Variants in HECTD4 observed in about 807,000 individuals in gnomAD.
HECTD4 encodes HECT domain E3 ubiquitin protein ligase 4.
In HECTD4, 114 loss-of-function variants were observed where a neutral mutation model predicts 471.5. The observed-to-expected ratio is 0.24, with a 90% CI of 0.21 to 0.28. The LOEUF is 0.28. Among genes scored for constraint, HECTD4 ranks in the 10% least tolerant of loss-of-function variants. The probability of loss-of-function intolerance (pLI) is 1.00; values close to 1 mark genes in which losing one functional copy is unlikely to be tolerated. For synonymous variants in HECTD4, 2,012 were observed against 2,256.0 expected (o/e 0.89, Z 3.07); for missense variants, 3,866 against 5,651.5 (o/e 0.68, Z 10.13).
At chr12:112,351,890 T>C (rs1232663628) in intron 1 of HECTD4, among the ~76,000 whole-genome samples, 4 of 152,230 alleles carry the variant, frequency 2.6e-5, no homozygotes, top group Non-Finnish European at 5.9e-5. Flanking sequence ...CTAATCTTTC[T>C]GTTATTCAGT....
chr12:112,289,465 G>A (rs897613477), intron 7 of HECTD4, among the ~76,000 whole-genome samples: 6 of 152,226 alleles, frequency 3.9e-5, no homozygotes, highest in African/African-American at 1.4e-4. Context: ...AGTTTTCCCT[G>A]AGTCTTAGGT....
intron 32 of HECTD4, among the ~76,000 whole-genome samples, chr12:112,241,820 T>A (rs1048405319): frequency 2.0e-5 from 3 of 152,290 alleles, no homozygotes. Context: ...GTCTGACCTC[T>A]CCTGTACTCC....
At position 112,254,118 on chromosome 12, in the gene HECTD4, A is replaced by G; in HGVS notation, c.3372T>C (p.Ala1124=). 6.2e-7 allele frequency: 1 copy of G among 1,614,022 alleles called. No homozygotes were observed. Among genetic ancestry groups the G allele is most frequent in the Non-Finnish European group, 8.5e-7 (1 of 1,179,880 alleles). ...ATCCCAGTGTGTTGCCTCCATATTCAGCAACCTTCCTACTGTTTGTGTTAG... is the reference window on the plus strand; with the variant it reads ...ATCCCAGTGTGTTGCCTCCATATTCGGCAACCTTCCTACTGTTTGTGTTAG... The part of the protein sequence containing the change: ...AGPNTNSRKV[A]EYGGNTLGYG... Residue 1124 remains alanine, a synonymous_variant, in exon 22 of 76, where the codon GCT becomes GCC. Coordinates refer to ENST00000682272, the MANE Select transcript of HECTD4 (RefSeq NM_001388303.1).
rs1179650028 is a variant in HECTD4 at position 112,313,100 on chromosome 12, C to G, written c.833G>C (p.Gly278Ala). ...ACCCCATGATACTATGTGTTTGCCC[C>G]CAAGCAAACAGGAGGGAGATCCAGG... is the stretch of plus-strand genomic sequence containing the variant. Reference protein sequence around the residue: ...GGPGSPSCLLGGKHIVSWGYE... With the variant: ...GGPGSPSCLLAGKHIVSWGYE... Residue 278 changes from glycine (G) to alanine (A), a missense_variant, in exon 4 of 76, where the codon GGG becomes GCG. By Grantham distance (60) the Gly-to-Ala change is moderately conservative. Around this residue, in one of 16 missense-constraint regions of HECTD4, gnomAD observed 440 missense variants for 636.0 expected, o/e 0.69. Coordinates refer to ENST00000682272, the MANE Select transcript of HECTD4 (RefSeq NM_001388303.1). The G allele has an allele frequency of 6.5e-7, 1 of 1,535,274 alleles. No individual in the cohort carries two copies. The highest frequency in any genetic ancestry group is 8.7e-7 in the Non-Finnish European group (1 of 1,146,396).
Position 112,270,417 on chromosome 12 carries a change from T to C in HECTD4, c.1985A>G (p.His662Arg). ...TTNEVINQLL[H>R]HVGAMCIHQL... Reference sequence around the variant, plus strand: ...GTGTATGCACATCGCACCAACGTGGTGCAATAATTGGTTTATAACCTCATT... The same window carrying C: ...GTGTATGCACATCGCACCAACGTGGCGCAATAATTGGTTTATAACCTCATT... Residue 662 changes from histidine (H) to arginine (R), a missense_variant, in exon 12 of 76, where the codon CAC becomes CGC. His to Arg is a conservative substitution (Grantham distance 29). Transcript: ENST00000682272. The C allele has an allele frequency of 6.2e-7, 1 of 1,614,022 alleles. No individual in the cohort carries two copies. Among genetic ancestry groups the C allele is most frequent in the Non-Finnish European group, 8.5e-7 (1 of 1,179,902 alleles).
chr12:112,349,388 C>CAAAAAAAAAAAAAAAAAAA (rs60480485), intron 1 of HECTD4, among the ~76,000 whole-genome samples: 1 of 54,716 alleles, frequency 1.8e-5, no homozygotes. Context: ...ACTCTTGCTC[C>CAAAAAAAAAAAAAAAAAAA]AAAAAAAAAA....
intron 1 of HECTD4, among the ~76,000 whole-genome samples, chr12:112,369,487 AC>A (rs974218663): frequency 6.6e-6 from 1 of 151,776 alleles, no homozygotes; most frequent in Admixed American, 6.6e-5. Flanking sequence ...GATTACAGGC[AC>A]CCACCACCAC....
Position 112,216,386 on chromosome 12 carries a change from A to G in HECTD4, c.7386-15T>C, listed in dbSNP as rs1365139322. 6.5e-7 allele frequency: 1 copy of G among 1,531,472 alleles called. No homozygotes were observed. The allele number at this position is 1,531,472 out of a possible 1,614,324, so 94.9% of individuals were successfully genotyped here. On this transcript the variant is annotated splice_polypyrimidine_tract_variant and intron_variant, in intron 47 of 75. Coordinates refer to ENST00000682272, the MANE Select transcript of HECTD4 (RefSeq NM_001388303.1). ...CTCGGCCGTTGCTATGAAAAATACAAAGAAGGGAGGTCAAAGACAAGAAAG... is the reference window on the plus strand; with the variant it reads ...CTCGGCCGTTGCTATGAAAAATACAGAGAAGGGAGGTCAAAGACAAGAAAG...
chr12:112,304,560 A>T (rs941577191), intron 7 of HECTD4, among the ~76,000 whole-genome samples: 5 of 152,146 alleles, frequency 3.3e-5, no homozygotes, highest in African/African-American at 1.2e-4. Flanking sequence ...TCCTGGGCTC[A>T]AGAGATCCTC....
rs181311270 is a variant in HECTD4, at chr12:112,263,707, T to A, written c.2748+377A>T. 5.5e-3 allele frequency among the ~76,000 whole-genome samples: 761 copies of A among 137,766 alleles called. 3 individuals are homozygous for A. The highest frequency in any genetic ancestry group is 0.016 in the African/African-American group (565 of 34,312). The allele number at this position is 137,766 out of a possible 152,430, so 90.4% of individuals were successfully genotyped here. On this transcript the variant is annotated intron_variant, in intron 17 of 75. Coordinates refer to ENST00000682272, the MANE Select transcript of HECTD4 (RefSeq NM_001388303.1). Reference sequence around the variant, plus strand: ...AAATTATTTAATGCTCCCAAGATTTTTATATATATATATATATACACACAC... The same window carrying A: ...AAATTATTTAATGCTCCCAAGATTTATATATATATATATATATACACACAC...
chr12:112,335,507 A>G (rs900206444), intron 1 of HECTD4, among the ~76,000 whole-genome samples: 2 of 152,142 alleles, frequency 1.3e-5, no homozygotes, highest in Non-Finnish European at 2.9e-5. Flanking sequence ...CCTGGCCAAC[A>G]TGGTGAAACC....
chr12:112,185,532 G>A, intron 60 of HECTD4, 39 bp from the exon 61 acceptor site: 1 of 1,439,194 alleles, frequency 6.9e-7, no homozygotes, highest in Non-Finnish European at 9.4e-7. Context: ...TTACTATGCA[G>A]CACTGGCTAT....
rs752475459 is a variant in HECTD4, at chr12:112,228,711, T to C, written c.6620A>G (p.Lys2207Arg). 1 of 1,613,824 alleles carries C rather than the reference T, an allele frequency of 6.2e-7. No homozygotes were observed. Among genetic ancestry groups the C allele is most frequent in the Non-Finnish European group, 8.5e-7 (1 of 1,179,826 alleles). The change falls in exon 42 of 76, where the codon AAG becomes AGG. Residue 2207 changes from lysine (K) to arginine (R), a missense_variant. Around this residue, in one of 16 missense-constraint regions of HECTD4, gnomAD observed 617 missense variants for 915.1 expected, o/e 0.67. Coordinates refer to ENST00000682272, the MANE Select transcript of HECTD4 (RefSeq NM_001388303.1). This position sits in a 1 kb window ranked among gnomAD's most constrained non-coding sequence, Gnocchi z 4.9. ...TVRFPPIDCRKTSQASDTLTI... is the reference protein window; with the variant it reads ...TVRFPPIDCRRTSQASDTLTI... ...CAATGTGTCTGACGCTTGCGAAGTC[T>C]TTCTACAGTCTATGGGTGGGAATCT...
chr12:112,198,283 A>G (rs866009923), intron 55 of HECTD4, among the ~76,000 whole-genome samples: 3 of 152,198 alleles, frequency 2.0e-5, no homozygotes, highest in South Asian at 2.1e-4. Context: ...AGAGGTGAGT[A>G]TTCACTGAGA....
At chr12:112,317,956 CAAAAAAAAAAAAA>C (rs59773169) in intron 2 of HECTD4, among the ~76,000 whole-genome samples, 11 of 22,230 alleles carry the variant, frequency 4.9e-4, no homozygotes, top group Non-Finnish European at 8.8e-4. Context: ...GACCCCATCT[CAAAAAAAAAAAAA>C]AAAAAAAAAA....
chr12:112,248,035 T>A, intron 27 of HECTD4, 32 bp downstream of exon 27: 1 of 1,477,498 alleles, frequency 6.8e-7, no homozygotes, highest in Non-Finnish European at 9.4e-7. Context: ...TAAATGGCAA[T>A]ACCCCAGTGA....
chr12:112,297,248 GC>G (rs2035057841), intron 7 of HECTD4, among the ~76,000 whole-genome samples: 10 of 144,406 alleles, frequency 6.9e-5, no homozygotes, highest in South Asian at 2.3e-4. Flanking sequence ...TGTAAGTGCA[GC>G]AAGTGGTAAG....
intron 45 of HECTD4, among the ~76,000 whole-genome samples, chr12:112,218,946 C>T (rs573493748): frequency 7.2e-5 from 11 of 152,086 alleles, no homozygotes; most frequent in African/African-American, 2.7e-4. Context: ...GTTGGCCAGG[C>T]TGGTCTCAAA....
rs528439073 is a variant in HECTD4, at chr12:112,315,954, C to T, written c.696-1408G>A. The stretch of plus-strand genomic sequence containing the variant: ...GTCTCATTATGTTGCCTAGACTGGT[C>T]TCGAACTCCTGGCCTCAAGAGATGC... On this transcript the variant is annotated intron_variant, in intron 2 of 75. Transcript: ENST00000682272. 2.0e-5 allele frequency among the ~76,000 whole-genome samples: 3 copies of T among 150,766 alleles called. No individual in the cohort carries two copies. The East Asian group carries it at 5.9e-4, about 30-fold the overall frequency.
Sources: gnomAD v4.1 joint callset for allele counts (sites outside exome capture counted in the v4.1 genomes callset) on GRCh38, gnomAD v4.1.1 for gene constraint, gnomAD v4.1.1 regional missense constraint, Gnocchi (gnomAD v3.1) non-coding constraint, MANE v1.5 for transcripts, NCBI Gene and HGNC (gene_info 2026-07-23, HGNC 2026-07-21) for gene names.